The following SLC14A1 variants were observed in gnomAD, a reference collection of about 807,000 sequenced individuals.
The protein encoded by SLC14A1 is urea transporter 1.
A neutral mutation model predicts 39.6 loss-of-function variants in SLC14A1; 36 were observed. The observed-to-expected ratio is 0.91, with a 90% confidence interval of 0.70 to 1.20. The LOEUF is 1.20. Ranked by LOEUF, SLC14A1 falls within the 50% of genes most tolerant of loss-of-function variation. SLC14A1 has a pLI of 0.00. For synonymous variants in SLC14A1, 164 were observed against 173.6 expected, an observed-to-expected ratio of 0.94 and a Z score of 0.43; for missense variants, 469 against 478.7, an observed-to-expected ratio of 0.98 and a Z score of 0.19.
intron 5 of SLC14A1, among the ~76,000 whole-genome samples, chr18:45,734,629 A>G (rs2047132034): frequency 6.6e-6 from 1 of 152,214 alleles, no homozygotes; most frequent in Non-Finnish European, 1.5e-5. Context: ...AGTCCAAACT[A>G]TTCAGAAGGC....
chr18:45,734,000 T>A, intron 4 of SLC14A1: 1 of 410,992 alleles, frequency 2.4e-6, no homozygotes, highest in Non-Finnish European at 4.6e-6. Flanking sequence ...CCATTCCCCA[T>A]CCATGGAAAA....
intron 8 of SLC14A1, among the ~76,000 whole-genome samples, chr18:45,746,905 C>A (rs2047560044): frequency 6.6e-6 from 1 of 152,324 alleles, no homozygotes; most frequent in Non-Finnish European, 1.5e-5. Context: ...AATGGCAGAG[C>A]TGGGATTTGA....
Position 45,739,230 on chromosome 18 carries a change from T to C in SLC14A1, c.731T>C (p.Ile244Thr). The change falls in exon 7 of 10, where the codon ATT (isoleucine) becomes ACT (threonine). Residue 244 changes from isoleucine (I) to threonine (T), a missense_variant. By Grantham distance (89) the Ile-to-Thr change is moderately conservative. Transcript: ENST00000321925. Reference sequence around the variant, plus strand: ...TGTGATAATCCATGGACAGGGGGCATTTTCCTGGGAGCCATCCTACTCTCC... The same window carrying C: ...TGTGATAATCCATGGACAGGGGGCACTTTCCTGGGAGCCATCCTACTCTCC... ...YGCDNPWTGG[I>T]FLGAILLSSP... 1 of 1,614,096 alleles carries C rather than the reference T, an allele frequency of 6.2e-7. No homozygotes were observed. The highest frequency in any genetic ancestry group is 8.5e-7 in the Non-Finnish European group (1 of 1,179,996).
At chr18:45,738,934 A>T (rs1412263882) in intron 6 of SLC14A1, among the ~76,000 whole-genome samples, 1 of 152,158 alleles carries the variant, frequency 6.6e-6, no homozygotes, top group Non-Finnish European at 1.5e-5. Context: ...TTGAGAAGGC[A>T]TGTGTTGCAT....
chr18:45,751,058 G>A lies in SLC14A1; in HGVS notation c.*1107G>A, dbSNP rs986206139. On this transcript the variant is annotated 3_prime_UTR_variant, in exon 10 of 10. Transcript: ENST00000321925. The stretch of plus-strand genomic sequence containing the variant: ...TTTGAACCACCAAAAAGAAATAAAG[G>A]GCTGAGTGCGGTGGCTCACGCCTGT... 5.4e-5 allele frequency: 53 copies of A among 981,910 alleles called. No homozygotes were observed. Among genetic ancestry groups the A allele is most frequent in the Non-Finnish European group, 6.0e-6 (5 of 826,870 alleles). The allele number at this position is 981,910 out of a possible 1,614,324, so 60.8% of individuals were successfully genotyped here.
intron 4 of SLC14A1, 126 bp from the exon 5 acceptor site, chr18:45,734,148 A>C: frequency 8.0e-7 from 1 of 1,253,282 alleles, no homozygotes; most frequent in Non-Finnish European, 1.2e-6. Context: ...AGACTTTGAA[A>C]TACATTTCCA....
At chr18:45,734,461 GGA>G in intron 5 of SLC14A1, 59 bp downstream of exon 5, 4 of 1,586,490 alleles carry the variant, frequency 2.5e-6, no homozygotes, top group East Asian at 4.5e-5. Flanking sequence ...GCAGAAGGAG[GGA>G]ATGGGAGTTG....
chr18:45,736,515 C>T lies in SLC14A1; in HGVS notation c.530C>T (p.Thr177Ile), dbSNP rs762656091. ...MLSKWDLPVF[T>I]LPFNMALSMY... ...AGCAAATGGGACCTCCCCGTCTTCACCCTCCCTTTCAACATGGCGTTGTCA... is the reference window on the plus strand; with the variant it reads ...AGCAAATGGGACCTCCCCGTCTTCATCCTCCCTTTCAACATGGCGTTGTCA... Residue 177 changes from threonine to isoleucine, a missense_variant, in exon 6 of 10, where the codon ACC becomes ATC. Thr to Ile is a moderately conservative substitution (Grantham distance 89, BLOSUM62 -1). Transcript: ENST00000321925. The T allele has an allele frequency of 6.2e-7, 1 of 1,613,870 alleles. No individual in the cohort carries two copies. The highest frequency in any genetic ancestry group is 1.3e-5 in the African/African-American group (1 of 74,922).
At chr18:45,727,287 T>C (rs1262814924) in intron 2 of SLC14A1, 1 of 1,551,698 alleles carries the variant, frequency 6.4e-7, no homozygotes, top group Admixed American at 2.0e-5. Flanking sequence ...TGGACGGTCT[T>C]TGATTGGCGG....
intron 8 of SLC14A1, among the ~76,000 whole-genome samples, chr18:45,740,431 CTTTTT>C (rs887202535): frequency 2.3e-4 from 35 of 149,072 alleles, no homozygotes; most frequent in African/African-American, 8.2e-4. Context: ...AAGAATATTT[CTTTTT>C]TTATTTTTCT....
intron 6 of SLC14A1, among the ~76,000 whole-genome samples, chr18:45,738,564 T>C (rs1265504881): frequency 6.6e-6 from 1 of 152,218 alleles, no homozygotes; most frequent in African/African-American, 2.4e-5. Context: ...TAAAAATATC[T>C]TTGTTTAAAT....
intron 2 of SLC14A1, chr18:45,727,381 G>T (rs1480581270): frequency 2.6e-6 from 4 of 1,550,394 alleles, no homozygotes; most frequent in Non-Finnish European, 3.5e-6. Flanking sequence ...GGCATCGCCC[G>T]GCTAAGCTTG....
At chr18:45,744,317 T>C (rs2047482374) in intron 8 of SLC14A1, among the ~76,000 whole-genome samples, 1 of 152,234 alleles carries the variant, frequency 6.6e-6, no homozygotes, top group African/African-American at 2.4e-5. Context: ...AAAGAGGGTT[T>C]GCAAAGAGAG....
In SLC14A1 at chr18:45,748,442, C is replaced by T; in HGVS notation, c.996+17C>T. On this transcript the variant is annotated intron_variant, in intron 9 of 9. Coordinates refer to ENST00000321925, the MANE Select transcript of SLC14A1 (RefSeq NM_015865.7). ...ATGGCTGAGGTGAGTTTGCTTTAGT[C>T]TCACTTTTCATTAGCGTAATTGACC... 2 of 1,613,512 alleles carry T rather than the reference C, an allele frequency of 1.2e-6. No individual in the cohort carries two copies. Among genetic ancestry groups the T allele is most frequent in the Non-Finnish European group, 1.7e-6 (2 of 1,179,594 alleles).
chr18:45,744,062 G>A (rs923692676), intron 8 of SLC14A1, among the ~76,000 whole-genome samples: 19 of 151,616 alleles, frequency 1.3e-4, no homozygotes, highest in Admixed American at 7.9e-4. Flanking sequence ...CCCCAGGCTG[G>A]AGTGCAGTGG....
At chr18:45,734,478 A>G (rs1275661211) in intron 5 of SLC14A1, 76 bp downstream of exon 5, 13 of 1,513,852 alleles carry the variant, frequency 8.6e-6, no homozygotes, top group Admixed American at 6.7e-5. Context: ...GAGTTGTTAT[A>G]TGGCAGAGTT....
Position 45,727,622 on chromosome 18 carries a change from G to A in SLC14A1, c.-22+2609G>A, listed in dbSNP as rs112035852. ...TGAGCTGAGAAGTTTTGACAGCCATGGAAAAGCTGGGGATAAGTCACCTGG... is the reference window on the plus strand; with the variant it reads ...TGAGCTGAGAAGTTTTGACAGCCATAGAAAAGCTGGGGATAAGTCACCTGG... On this transcript the variant is annotated intron_variant, in intron 2 of 9. Transcript: ENST00000321925. 2.0e-5 allele frequency among the ~76,000 whole-genome samples: 3 copies of A among 152,336 alleles called. 1 individual carries two copies. The highest frequency in any genetic ancestry group is 7.2e-5 in the African/African-American group (3 of 41,592).
At chr18:45,730,096 A>G in intron 2 of SLC14A1, 2 of 497,076 alleles carry the variant, frequency 4.0e-6, no homozygotes, top group Non-Finnish European at 3.5e-6. Context: ...TTCTCATGGT[A>G]GCATTACAGA....
Position 45,734,392 on chromosome 18 carries a change from T to C in SLC14A1, c.460T>C (p.Ser154Pro), listed in dbSNP as rs2047122873. 3 of 1,613,322 alleles carry C rather than the reference T, an allele frequency of 1.9e-6. No homozygotes were observed. Among genetic ancestry groups the C allele is most frequent in the Non-Finnish European group, 2.5e-6 (3 of 1,179,782 alleles). Residue 154 changes from serine to proline, a missense_variant, in exon 5 of 10, where the codon TCC becomes CCC. By Grantham distance (74) the Ser-to-Pro change is moderately conservative. Transcript: ENST00000321925. ...GCTGTTACTCCCTGTATGTGCTATGTCCATGACTTGGTAAGTTACAATTGG... is the reference window on the plus strand; with the variant it reads ...GCTGTTACTCCCTGTATGTGCTATGCCCATGACTTGGTAAGTTACAATTGG... ...WWLLLPVCAM[S>P]MTCPIFSSAL...
Sources: allele counts gnomAD v4.1 joint callset (sites outside exome capture counted in the v4.1 genomes callset), GRCh38; gene constraint gnomAD v4.1.1; transcripts MANE v1.5; gene names NCBI Gene and HGNC (gene_info 2026-07-23, HGNC 2026-07-21).